TARBP2: variants seen among roughly 807,000 people sequenced by gnomAD.
The protein encoded by TARBP2 is RISC-loading complex subunit TARBP2.
A neutral mutation model predicts 40.4 loss-of-function variants in TARBP2; 23 were observed. That is an observed-to-expected ratio of 0.57 (90% CI 0.41 to 0.81). The LOEUF is 0.81. Among genes scored for constraint, TARBP2 ranks in the 30% least tolerant of loss-of-function variants. The pLI, the probability that TARBP2 is intolerant of heterozygous loss-of-function variation, is 0.00. For synonymous variants in TARBP2, 183 were observed against 190.5 expected, an observed-to-expected ratio of 0.96 and a Z score of 0.32; for missense variants, 358 against 473.7, an observed-to-expected ratio of 0.76 and a Z score of 2.27.
chr12:53,505,765 C>T lies in TARBP2; in HGVS notation c.858C>T (p.Ser286=), dbSNP rs758592168. 5.0e-6 allele frequency: 8 copies of T among 1,613,954 alleles called. No individual in the cohort carries two copies. In the South Asian group the frequency reaches 8.8e-5, roughly 18 times the overall value. ...CCCTCCGCAGTTGCTCCCTGGGCTCCCTGGGTGCCCTGGGCCCTGCCTGCT... is the reference window on the plus strand; with the variant it reads ...CCCTCCGCAGTTGCTCCCTGGGCTCTCTGGGTGCCCTGGGCCCTGCCTGCT... ...ILSLRSCSLG[S]LGALGPACCR... The change falls in exon 8 of 9, where the codon TCC becomes TCT. Residue 286 remains serine, a synonymous_variant. Coordinates refer to ENST00000266987, the MANE Select transcript of TARBP2 (RefSeq NM_134323.2). The surrounding 1 kb of genome is among the most constrained non-coding windows in gnomAD (Gnocchi z 4.5).
rs143814054 is a variant in TARBP2 at position 53,502,120 on chromosome 12, C to T, written c.159C>T (p.Ala53=). The part of the protein sequence containing the change: ...GKTPVYDLLK[A]EGQAHQPNFT... Reference sequence around the variant, plus strand: ...CGCCTGTGTACGACCTTCTCAAAGCCGAGGGCCAAGCCCACCAGCCTAATT... The same window carrying T: ...CGCCTGTGTACGACCTTCTCAAAGCTGAGGGCCAAGCCCACCAGCCTAATT... Residue 53 remains alanine (A), a synonymous_variant, in exon 2 of 9, where the codon GCC becomes GCT. Coordinates refer to ENST00000266987, the MANE Select transcript of TARBP2 (RefSeq NM_134323.2). 49 of 1,614,212 alleles carry T rather than the reference C, an allele frequency of 3.0e-5. No homozygotes were observed. In the African/African-American group the frequency reaches 4.4e-4, roughly 14 times the overall value.
At position 53,503,736 on chromosome 12, in the gene TARBP2, C is replaced by G. The variant is rs745993749; in HGVS notation, c.350C>G (p.Ser117Ter). 6.2e-7 allele frequency: 1 copy of G among 1,614,158 alleles called. No individual in the cohort carries two copies. The highest frequency in any genetic ancestry group is 8.5e-7 in the Non-Finnish European group (1 of 1,179,984). ...AGTTCTTTTTCTCCCCTAGACTCTTCACTGCCTGAGGACATTCCGGTTTTT... is the reference window on the plus strand; with the variant it reads ...AGTTCTTTTTCTCCCCTAGACTCTTGACTGCCTGAGGACATTCCGGTTTTT... ...DSSSFSPLDSSLPEDIPVFTA... is the reference protein window; with the variant it reads ...DSSSFSPLDS Residue 117 changes from serine (S) to a stop codon, truncating the protein, a stop_gained, in exon 4 of 9, where the codon TCA becomes TGA. Transcript: ENST00000266987. LOFTEE classifies it high-confidence loss of function.
intron 1 of TARBP2, 38 bp from the exon 2 acceptor site, chr12:53,501,977 A>T (rs1943734492): frequency 6.2e-7 from 1 of 1,611,338 alleles, no homozygotes. Context: ...GGGTGCAGAG[A>T]GGGGAGGTGT....
At chr12:53,504,365 C>A (rs1007275542) in intron 4 of TARBP2, 32 bp from the exon 5 acceptor site, 3 of 1,531,050 alleles carry the variant, frequency 2.0e-6, no homozygotes, top group Middle Eastern at 2.3e-4. Context: ...GAACCCTTCA[C>A]CTCAACTTTG....
chr12:53,502,743 G>T, intron 2 of TARBP2: 1 of 287,582 alleles, frequency 3.5e-6, no homozygotes, highest in South Asian at 6.8e-5. Flanking sequence ...TGAGGGAAAA[G>T]AAAGTGCTTT....
Position 53,501,385 on chromosome 12 carries a change from G to GA in TARBP2, c.-24_-23insA, listed in dbSNP as rs1943694166. ...GCGCGTGGAGGCTGCAGTCACGGTG[G>GA]CGCCCGCGGGGACGGAGGAGGGAAT... On this transcript the variant is annotated 5_prime_UTR_variant, in exon 1 of 9. Transcript: ENST00000266987. 1 of 1,556,274 alleles carries GA rather than the reference G, an allele frequency of 6.4e-7. No individual in the cohort carries two copies. The highest frequency in any genetic ancestry group is 1.9e-5 in the Admixed American group (1 of 51,490).
chr12:53,502,052 C>T lies in TARBP2; in HGVS notation c.91C>T (p.Pro31Ser). The T allele has an allele frequency of 6.2e-7, 1 of 1,614,224 alleles. No individual in the cohort carries two copies. Among genetic ancestry groups the T allele is most frequent in the Non-Finnish European group, 8.5e-7 (1 of 1,180,036 alleles). ...QMLAANPGKT[P>S]ISLLQEYGTR... ...GCTGGCCGCCAACCCAGGCAAGACC[C>T]CGATCAGCCTTCTGCAGGAGTATGG... The change falls in exon 2 of 9, where the codon CCG (proline) becomes TCG (serine). Residue 31 changes from proline to serine, a missense_variant. This residue lies in a region of TARBP2 where 9 missense variants were observed against 29.1 expected (regional missense o/e 0.31). Transcript: ENST00000266987.
Position 53,504,486 on chromosome 12 carries a change from T to C in TARBP2, c.495+17T>C, listed in dbSNP as rs377738509. The stretch of plus-strand genomic sequence containing the variant: ...GCTCTGCAGGTGTGTCCCATCCTCA[T>C]TTCCCATGCATGCCTGTCTTCCCTT... On this transcript the variant is annotated intron_variant, in intron 5 of 8. Transcript: ENST00000266987. The C allele has an allele frequency of 6.2e-7, 1 of 1,612,434 alleles. No individual in the cohort carries two copies. Among genetic ancestry groups the C allele is most frequent in the African/African-American group, 1.3e-5 (1 of 74,834 alleles).
At chr12:53,501,717 T>G in intron 1 of TARBP2, 1 of 1,431,950 alleles carries the variant, frequency 7.0e-7, no homozygotes. Context: ...TGGTGGGTAC[T>G]GGGTTCCTGG....
At chr12:53,504,585 C>T (rs1943876884) in intron 5 of TARBP2, 113 bp from the exon 6 acceptor site, 1 of 1,605,330 alleles carries the variant, frequency 6.2e-7, no homozygotes, top group East Asian at 2.2e-5. Context: ...GCCCTTTCCA[C>T]CCCCCTCTCT....
chr12:53,505,648 G>T lies in TARBP2; in HGVS notation c.742-1G>T. ...CTTTCTCACTGTTCCCATCTTGACA[G>T]GGTGTGGGCTCCCGCCTGGATGGTC... On this transcript the variant is annotated splice_acceptor_variant, in intron 7 of 8. Coordinates refer to ENST00000266987, the MANE Select transcript of TARBP2 (RefSeq NM_134323.2). LOFTEE classifies it high-confidence loss of function. The surrounding 1 kb of genome is among the most constrained non-coding windows in gnomAD (Gnocchi z 4.5). 1 of 1,614,052 alleles carries T rather than the reference G, an allele frequency of 6.2e-7. No individual in the cohort carries two copies.
intron 3 of TARBP2, 50 bp downstream of exon 3, chr12:53,503,179 C>G: frequency 6.7e-7 from 1 of 1,501,906 alleles, no homozygotes. Context: ...AACCCAGGCC[C>G]TGCACCACCC....
In TARBP2 at chr12:53,505,293, GC is replaced by G. The variant is rs1386161529; in HGVS notation, c.741+34del. 5.1e-6 allele frequency: 8 copies of G among 1,561,108 alleles called. No individual in the cohort carries two copies. Among genetic ancestry groups the G allele is most frequent in the Non-Finnish European group, 7.0e-6 (8 of 1,146,186 alleles). On this transcript the variant is annotated intron_variant, in intron 7 of 8. Coordinates refer to ENST00000266987, the MANE Select transcript of TARBP2 (RefSeq NM_134323.2). This position sits in a 1 kb window ranked among gnomAD's most constrained non-coding sequence, Gnocchi z 4.5. ...TGGCTCATGTGGGCCGGGCACCGTG[GC>G]CCATCCTCCATGCCAGGGCAGGGCT... is the stretch of plus-strand genomic sequence containing the variant.
In TARBP2 at chr12:53,506,366, T is replaced by G. The variant is rs1943987394; in HGVS notation, c.*218T>G. Reference sequence around the variant, plus strand: ...TCCTCATTTTATTGGTGATGATGAATGGGAATGAAATCAGGGGGCTGTCTA... The same window carrying G: ...TCCTCATTTTATTGGTGATGATGAAGGGGAATGAAATCAGGGGGCTGTCTA... On this transcript the variant is annotated 3_prime_UTR_variant, in exon 9 of 9. Transcript: ENST00000266987. The G allele has an allele frequency of 1.7e-6, 1 of 590,710 alleles. No individual in the cohort carries two copies. The highest frequency in any genetic ancestry group is 2.8e-5 in the East Asian group (1 of 35,200). 36.6% of individuals were successfully genotyped at this position (590,710 alleles called of 1,614,324 possible).
chr12:53,502,875 AT>A, intron 2 of TARBP2, 151 bp from the exon 3 acceptor site: 1 of 683,150 alleles, frequency 1.5e-6, no homozygotes, highest in Non-Finnish European at 2.3e-6. Context: ...CCTTCCAGCA[AT>A]TAGTGAAACA....
chr12:53,501,955 G>A (rs1943732769), intron 1 of TARBP2, 60 bp from the exon 2 acceptor site: 1 of 1,599,628 alleles, frequency 6.3e-7, no homozygotes, highest in Non-Finnish European at 8.5e-7. Flanking sequence ...GTATGGAAGT[G>A]CTTGGCTAGG....
intron 4 of TARBP2, 38 bp from the exon 5 acceptor site, chr12:53,504,359 C>T: frequency 6.6e-7 from 1 of 1,516,094 alleles, no homozygotes; most frequent in Non-Finnish European, 8.8e-7. Flanking sequence ...CAGATGGAAC[C>T]CTTCACCTCA....
At position 53,505,097 on chromosome 12, in the gene TARBP2, G is replaced by A; in HGVS notation, c.614-38G>A. 6.4e-7 allele frequency: 1 copy of A among 1,573,944 alleles called. No homozygotes were observed. The highest frequency in any genetic ancestry group is 8.7e-7 in the Non-Finnish European group (1 of 1,152,792). On this transcript the variant is annotated intron_variant, in intron 6 of 8. Coordinates refer to ENST00000266987, the MANE Select transcript of TARBP2 (RefSeq NM_134323.2). The surrounding 1 kb of genome is among the most constrained non-coding windows in gnomAD (Gnocchi z 4.5). ...ACCTGGGTGGAAGCACTGGGTCTGTGGGGAATCATAACCCAGCAGCCCTCT... is the reference window on the plus strand; with the variant it reads ...ACCTGGGTGGAAGCACTGGGTCTGTAGGGAATCATAACCCAGCAGCCCTCT...
In TARBP2 at chr12:53,506,039, C is replaced by G. The variant is rs1245217899; in HGVS notation, c.992C>G (p.Thr331Ser). ...GLCQCLVELS[T>S]QPATVCHGSA... ...TGCCAGTGCCTGGTGGAACTGTCCA[C>G]CCAGCCGGCCACTGTGTGTCATGGC... The change falls in exon 9 of 9, where the codon ACC (threonine) becomes AGC (serine). Residue 331 changes from threonine (T) to serine (S), a missense_variant. Thr to Ser is a moderately conservative substitution (Grantham distance 58). Around this residue, in one of 3 missense-constraint regions of TARBP2, gnomAD observed 317 missense variants for 422.9 expected, o/e 0.75. Coordinates refer to ENST00000266987, the MANE Select transcript of TARBP2 (RefSeq NM_134323.2). 2 of 1,613,980 alleles carry G rather than the reference C, an allele frequency of 1.2e-6. No individual in the cohort carries two copies. Among genetic ancestry groups the G allele is most frequent in the Non-Finnish European group, 1.7e-6 (2 of 1,180,020 alleles).
Sources: gnomAD v4.1 joint callset for allele counts on GRCh38, gnomAD v4.1.1 for gene constraint, gnomAD v4.1.1 regional missense constraint, Gnocchi (gnomAD v3.1) non-coding constraint, MANE v1.5 for transcripts, NCBI Gene and HGNC (gene_info 2026-07-23, HGNC 2026-07-21) for gene names.